Variants in KCND2 observed in about 807,000 individuals in gnomAD.
KCND2 encodes the protein A-type voltage-gated potassium channel KCND2.
A neutral mutation model predicts 54.4 loss-of-function variants in KCND2; 16 were observed. The ratio of observed to expected loss-of-function variants is 0.29; its 90% CI spans 0.20 to 0.45. The LOEUF is 0.45. KCND2 is among the 20% of genes least tolerant of loss of function. The pLI is 1.00. For synonymous variants in KCND2, 317 were observed against 310.7 expected, an observed-to-expected ratio of 1.02 and a Z score of -0.21; for missense variants, 486 against 824.2, an observed-to-expected ratio of 0.59 and a Z score of 5.02.
At chr7:120,525,360 C>A (rs1002512922) in intron 1 of KCND2, among the ~76,000 whole-genome samples, 1 of 152,140 alleles carries the variant, frequency 6.6e-6, no homozygotes, top group African/African-American at 2.4e-5. Flanking sequence ...CCGCTTTGAA[C>A]CTCCCTAGTT....
At chr7:120,593,119 G>T (rs888063257) in intron 1 of KCND2, among the ~76,000 whole-genome samples, 1 of 152,038 alleles carries the variant, frequency 6.6e-6, no homozygotes, top group Non-Finnish European at 1.5e-5. Context: ...AGGTTCAAAA[G>T]GATTCTATGA....
In KCND2 at chr7:120,613,358, C is replaced by T. The variant is rs570800860; in HGVS notation, c.1116-119545C>T. Among the ~76,000 whole-genome samples, 7 of 152,042 alleles carry T rather than the reference C, an allele frequency of 4.6e-5. No individual in the cohort carries two copies. In the East Asian group the frequency reaches 5.8e-4, roughly 13 times the overall value. On this transcript the variant is annotated intron_variant, in intron 1 of 5. Transcript: ENST00000331113. ...CAGCCTGGCCAACATGGCAAAACCC[C>T]GGTCTCTACTAAAAATACAAACATT...
intron 1 of KCND2, among the ~76,000 whole-genome samples, chr7:120,690,477 A>G (rs957422737): frequency 6.6e-6 from 1 of 152,206 alleles, no homozygotes; most frequent in African/African-American, 2.4e-5. Flanking sequence ...TTGCACAGAC[A>G]TGCTGAGGTC....
chr7:120,367,968 G>A (rs1222422621), intron 1 of KCND2, among the ~76,000 whole-genome samples: 2 of 152,038 alleles, frequency 1.3e-5, no homozygotes, highest in Non-Finnish European at 1.5e-5. Context: ...TAAAAGGCCT[G>A]GGATAGTTGT....
intron 1 of KCND2, among the ~76,000 whole-genome samples, chr7:120,281,412 A>T (rs1799260554): frequency 8.8e-6 from 1 of 114,136 alleles, no homozygotes; most frequent in Admixed American, 1.1e-4. Context: ...ATGATGTGGG[A>T]TAGCGTCTGA....
At chr7:120,469,515 G>T (rs185216191) in intron 1 of KCND2, among the ~76,000 whole-genome samples, 22 of 152,214 alleles carry the variant, frequency 1.4e-4, no homozygotes, top group Admixed American at 7.9e-4. Context: ...GACTAATGTT[G>T]TTAGAGAAAT....
At chr7:120,496,639 T>G (rs1212240420) in intron 1 of KCND2, among the ~76,000 whole-genome samples, 4 of 152,042 alleles carry the variant, frequency 2.6e-5, no homozygotes, top group Non-Finnish European at 5.9e-5. Flanking sequence ...TTAGCCAGGA[T>G]GGTCTCTATC....
chr7:120,644,588 A>G (rs1793415331), intron 1 of KCND2, among the ~76,000 whole-genome samples: 1 of 152,212 alleles, frequency 6.6e-6, no homozygotes, highest in Admixed American at 6.5e-5. Context: ...ACAGCATCCA[A>G]CTAGTATAAA....
chr7:120,532,790 A>G (rs558175782), intron 1 of KCND2, among the ~76,000 whole-genome samples: 5 of 152,162 alleles, frequency 3.3e-5, no homozygotes, highest in African/African-American at 1.2e-4. Context: ...AGTTATATGT[A>G]AAATAAAATA....
chr7:120,646,593 T>G (rs1417518586), intron 1 of KCND2, among the ~76,000 whole-genome samples: 1 of 152,186 alleles, frequency 6.6e-6, no homozygotes, highest in East Asian at 1.9e-4. Flanking sequence ...TTTTTCCACT[T>G]TAAGGTTAGA....
intron 1 of KCND2, among the ~76,000 whole-genome samples, chr7:120,566,068 G>C (rs912822879): frequency 6.6e-6 from 1 of 152,090 alleles, no homozygotes; most frequent in Non-Finnish European, 1.5e-5. Flanking sequence ...GGAGCTTCTG[G>C]TACCAAAAAT....
At chr7:120,290,766 A>G (rs754431790) in intron 1 of KCND2, among the ~76,000 whole-genome samples, 4 of 151,988 alleles carry the variant, frequency 2.6e-5, no homozygotes, top group Non-Finnish European at 5.9e-5. Flanking sequence ...TTGCATGCCA[A>G]CTTTATTAAA....
intron 1 of KCND2, among the ~76,000 whole-genome samples, chr7:120,717,325 G>A (rs577793325): frequency 5.9e-5 from 9 of 152,226 alleles, no homozygotes; most frequent in Admixed American, 1.3e-4. Context: ...GTGTGGATAC[G>A]CAGGACAGAA....
intron 1 of KCND2, among the ~76,000 whole-genome samples, chr7:120,328,535 T>C (rs1322490161): frequency 6.6e-6 from 1 of 152,126 alleles, no homozygotes; most frequent in Non-Finnish European, 1.5e-5. Flanking sequence ...GACTATACTA[T>C]GAATAGATGA....
intron 1 of KCND2, among the ~76,000 whole-genome samples, chr7:120,488,180 G>A (rs1407414479): frequency 2.6e-5 from 4 of 152,136 alleles, no homozygotes; most frequent in Non-Finnish European, 5.9e-5. Context: ...GGGCAACAGA[G>A]TGAGACCCTG....
At chr7:120,417,219 A>G (rs1001331547) in intron 1 of KCND2, among the ~76,000 whole-genome samples, 4 of 152,184 alleles carry the variant, frequency 2.6e-5, no homozygotes, top group Non-Finnish European at 4.4e-5. Flanking sequence ...TCTTAAATAG[A>G]TAGGACATCT....
chr7:120,747,528 AGATT>A (rs1027673511), intron 5 of KCND2, among the ~76,000 whole-genome samples, 149 bp from the exon 6 acceptor site: 69 of 152,138 alleles, frequency 4.5e-4, no homozygotes, highest in Non-Finnish European at 1.0e-4. Flanking sequence ...TCTTTAACAT[AGATT>A]AAGATTTGGT....
chr7:120,370,215 G>T (rs577286827), intron 1 of KCND2, among the ~76,000 whole-genome samples: 25 of 152,110 alleles, frequency 1.6e-4, no homozygotes, highest in African/African-American at 5.5e-4. Context: ...GACAAACTGA[G>T]CAGGGAGAAT....
At chr7:120,372,568 G>A (rs1800779765) in intron 1 of KCND2, among the ~76,000 whole-genome samples, 1 of 151,790 alleles carries the variant, frequency 6.6e-6, no homozygotes, top group African/African-American at 2.4e-5. Flanking sequence ...TTCAGACCTA[G>A]AAAAACAAAC....
Sources: gnomAD v4.1 joint callset for allele counts (sites outside exome capture counted in the v4.1 genomes callset) on GRCh38, gnomAD v4.1.1 for gene constraint, MANE v1.5 for transcripts, NCBI Gene and HGNC (gene_info 2026-07-23, HGNC 2026-07-21) for gene names.